PGGT1B: variants seen among roughly 807,000 people sequenced by gnomAD.
The protein encoded by PGGT1B is geranylgeranyl transferase type-1 subunit beta.
PGGT1B carries 30 observed loss-of-function variants against 46.1 expected under a neutral mutation model. That is an observed-to-expected ratio of 0.65 (90% CI 0.49 to 0.88). PGGT1B has a LOEUF of 0.88. Ranked by LOEUF, PGGT1B falls within the 40% of genes least tolerant of loss-of-function variation. PGGT1B has a pLI of 0.00. For missense variants in PGGT1B, 376 were observed against 455.9 expected, an observed-to-expected ratio of 0.82 and a Z score of 1.60; for synonymous variants, 170 against 160.0, an observed-to-expected ratio of 1.06 and a Z score of -0.47.
intron 6 of PGGT1B, among the ~76,000 whole-genome samples, chr5:115,225,489 C>A (rs1264490674): frequency 6.6e-6 from 1 of 152,154 alleles, no homozygotes; most frequent in Non-Finnish European, 1.5e-5. Flanking sequence ...TTTAGAGATT[C>A]TCTTAGTACT....
chr5:115,247,272 G>T (rs1747891840), intron 2 of PGGT1B, among the ~76,000 whole-genome samples: 1 of 152,002 alleles, frequency 6.6e-6, no homozygotes, highest in Non-Finnish European at 1.5e-5. Flanking sequence ...TTTAATCAGG[G>T]GAGTTGCTTT....
intron 2 of PGGT1B, chr5:115,252,908 A>C (rs988523288): frequency 1.1e-5 from 5 of 466,332 alleles, no homozygotes; most frequent in Non-Finnish European, 1.9e-5. Flanking sequence ...ATGGTGCCAC[A>C]ACTGTGAATC....
At chr5:115,244,090 C>T (rs73255484) in intron 2 of PGGT1B, among the ~76,000 whole-genome samples, 1 of 152,140 alleles carries the variant, frequency 6.6e-6, no homozygotes, top group African/African-American at 2.4e-5. Flanking sequence ...CCCATCTACA[C>T]AGTCCCTTCA....
At chr5:115,213,395 A>C (rs993705901) in intron 8 of PGGT1B, among the ~76,000 whole-genome samples, 1 of 152,196 alleles carries the variant, frequency 6.6e-6, no homozygotes, top group Non-Finnish European at 1.5e-5. Flanking sequence ...AGTTATAGGA[A>C]CATTAAAAAG....
At chr5:115,244,628 G>A (rs1747731341) in intron 2 of PGGT1B, among the ~76,000 whole-genome samples, 1 of 151,504 alleles carries the variant, frequency 6.6e-6, no homozygotes, top group Admixed American at 6.6e-5. Context: ...GTCTTGCTCT[G>A]TTGCCCAGGC....
intron 6 of PGGT1B, among the ~76,000 whole-genome samples, chr5:115,224,274 G>T (rs1220614671): frequency 6.6e-6 from 1 of 152,114 alleles, no homozygotes; most frequent in East Asian, 1.9e-4. Context: ...CTAATAGACA[G>T]TAAGTAACCT....
intron 5 of PGGT1B, among the ~76,000 whole-genome samples, chr5:115,233,286 T>C (rs957517126): frequency 6.7e-6 from 1 of 149,100 alleles, no homozygotes; most frequent in Non-Finnish European, 1.5e-5. Context: ...GAACAAACAA[T>C]AGAAATAAAA....
At chr5:115,239,919 A>C (rs1690510207) in intron 3 of PGGT1B, among the ~76,000 whole-genome samples, 1 of 152,200 alleles carries the variant, frequency 6.6e-6, no homozygotes, top group African/African-American at 2.4e-5. Context: ...TTTATCAGGT[A>C]AGTCAGTGAA....
intron 1 of PGGT1B, among the ~76,000 whole-genome samples, chr5:115,257,794 A>G (rs1463865653): frequency 1.3e-5 from 2 of 152,230 alleles, no homozygotes; most frequent in African/African-American, 4.8e-5. Flanking sequence ...TATTGCATCT[A>G]AAATTATAAA....
At chr5:115,250,214 G>T (rs1365920411) in intron 2 of PGGT1B, among the ~76,000 whole-genome samples, 3 of 152,000 alleles carry the variant, frequency 2.0e-5, no homozygotes, top group Admixed American at 6.6e-5. Context: ...GATTTTATGT[G>T]GTATCTCAAA....
rs190816100 is a variant in PGGT1B at position 115,246,409 on chromosome 5, G to A, written c.260-4803C>T. On this transcript the variant is annotated intron_variant, in intron 2 of 8. Coordinates refer to ENST00000419445, the MANE Select transcript of PGGT1B (RefSeq NM_005023.4). ...AAATATTTATTAGGTACTCTTTTGC[G>A]GTTTCTGTCAATATTTGTCTGCTCT... Among the ~76,000 whole-genome samples, 26 of 151,422 alleles carry A rather than the reference G, an allele frequency of 1.7e-4. No homozygotes were observed. In the East Asian group the frequency reaches 4.6e-3, roughly 27 times the overall value.
chr5:115,257,629 C>A (rs185650324), intron 1 of PGGT1B, among the ~76,000 whole-genome samples: 1 of 150,360 alleles, frequency 6.7e-6, no homozygotes, highest in Admixed American at 6.6e-5. Flanking sequence ...ACTGAAAACA[C>A]TAATTTATGA....
chr5:115,240,600 G>A (rs1044364171), intron 3 of PGGT1B, among the ~76,000 whole-genome samples: 1 of 152,204 alleles, frequency 6.6e-6, no homozygotes, highest in Non-Finnish European at 1.5e-5. Flanking sequence ...ACACAGGCAA[G>A]CTGGTTTACA....
chr5:115,257,530 CAAAAAAAAAA>C (rs1169870044), intron 1 of PGGT1B, among the ~76,000 whole-genome samples: 9 of 72,084 alleles, frequency 1.2e-4, no homozygotes, highest in South Asian at 6.4e-4. Context: ...AACTCCATCT[CAAAAAAAAAA>C]AAAAAAAAAA....
Position 115,205,498 on chromosome 5 carries a change from T to A in PGGT1B, c.*6904A>T, listed in dbSNP as rs1756035387. The A allele has an allele frequency of 6.6e-6, 1 of 151,214 alleles. No homozygotes were observed. Among genetic ancestry groups the A allele is most frequent in the African/African-American group, 2.4e-5 (1 of 41,116 alleles). The allele number at this position is 151,214 out of a possible 1,614,324, so 9.4% of individuals were successfully genotyped here. A position where few individuals can be genotyped will look rare whatever the true frequency, so the allele number is the denominator to read the frequency against. Reference sequence around the variant, plus strand: ...AGAATGATCACCTCAGTTAAAAAAATGTGGCATAAAAAGAATGTTATTTCT... The same window carrying A: ...AGAATGATCACCTCAGTTAAAAAAAAGTGGCATAAAAAGAATGTTATTTCT... On this transcript the variant is annotated 3_prime_UTR_variant, in exon 9 of 9. Coordinates refer to ENST00000419445, the MANE Select transcript of PGGT1B (RefSeq NM_005023.4).
intron 6 of PGGT1B, among the ~76,000 whole-genome samples, chr5:115,224,185 G>A (rs1756684390): frequency 1.3e-5 from 2 of 151,998 alleles, no homozygotes; most frequent in South Asian, 2.1e-4. Context: ...CTTTTCAAAT[G>A]ACTCACTAGT....
chr5:115,234,259 A>G (rs889427119), intron 5 of PGGT1B, among the ~76,000 whole-genome samples: 1 of 151,950 alleles, frequency 6.6e-6, no homozygotes, highest in African/African-American at 2.4e-5. Flanking sequence ...AAGAAAGGAA[A>G]AGCATTAAAA....
intron 2 of PGGT1B, among the ~76,000 whole-genome samples, chr5:115,247,999 G>A (rs377378552): frequency 2.1e-4 from 32 of 152,080 alleles, no homozygotes; most frequent in African/African-American, 6.7e-4. Context: ...TATGCAACAC[G>A]CTTGACTTAG....
At chr5:115,233,382 T>A (rs1757057068) in intron 5 of PGGT1B, among the ~76,000 whole-genome samples, 1 of 150,464 alleles carries the variant, frequency 6.6e-6, no homozygotes, top group Non-Finnish European at 1.5e-5. Flanking sequence ...GGAAGAATAA[T>A]CTCAAATGAA....
Sources: gnomAD v4.1 joint callset for allele counts (sites outside exome capture counted in the v4.1 genomes callset) on GRCh38, gnomAD v4.1.1 for gene constraint, MANE v1.5 for transcripts, NCBI Gene and HGNC (gene_info 2026-07-23, HGNC 2026-07-21) for gene names.